ENPP3: variants seen among roughly 807,000 people sequenced by gnomAD.
The protein encoded by ENPP3 is ectonucleotide pyrophosphatase/phosphodiesterase 3.
Under a neutral mutation model 117.8 loss-of-function variants are expected in ENPP3, and 104 were observed. The observed-to-expected ratio is 0.88, with a 90% CI of 0.75 to 1.04. The LOEUF (loss-of-function observed/expected upper bound fraction) is 1.04. Among genes scored for constraint, ENPP3 ranks in the 50% least tolerant of loss-of-function variants. The pLI, the probability that ENPP3 is intolerant of heterozygous loss-of-function variation, is 0.00. For synonymous variants in ENPP3, 380 were observed against 349.9 expected (o/e 1.09, Z -0.96); for missense variants, 1,026 against 1,051.9 (o/e 0.98, Z 0.34).
chr6:131,651,795 A>C (rs1013972231), intron 3 of ENPP3, among the ~76,000 whole-genome samples: 2 of 152,204 alleles, frequency 1.3e-5, no homozygotes, highest in Admixed American at 1.3e-4. Flanking sequence ...CCTTTACTTA[A>C]TCTCCAAAAA....
At chr6:131,727,797 T>C (rs560699630) in intron 20 of ENPP3, among the ~76,000 whole-genome samples, 1 of 152,304 alleles carries the variant, frequency 6.6e-6, no homozygotes, top group East Asian at 1.9e-4. Flanking sequence ...GCTGTTTCTG[T>C]AGAGAAAATC....
At chr6:131,694,176 A>T (rs939669459) in intron 15 of ENPP3, among the ~76,000 whole-genome samples, 1 of 152,220 alleles carries the variant, frequency 6.6e-6, no homozygotes, top group African/African-American at 2.4e-5. Flanking sequence ...CATGCTATTT[A>T]GCAGTTCTAC....
chr6:131,651,412 A>G (rs927216390), intron 3 of ENPP3, among the ~76,000 whole-genome samples: 3 of 152,228 alleles, frequency 2.0e-5, no homozygotes, highest in African/African-American at 7.2e-5. Context: ...ATAACAGGCT[A>G]TGGTAAATGA....
chr6:131,720,141 T>C (rs552932817), intron 16 of ENPP3, 151 bp from the exon 17 acceptor site: 4 of 527,254 alleles, frequency 7.6e-6, no homozygotes, highest in East Asian at 3.1e-5. Context: ...TGGAAAAATA[T>C]GAAAATCATT....
chr6:131,710,076 A>G (rs752688550), intron 15 of ENPP3: 1 of 1,613,624 alleles, frequency 6.2e-7, no homozygotes, highest in East Asian at 2.2e-5. Context: ...GTTTCTTCAA[A>G]GCTCCTTTCG....
At chr6:131,687,566 C>T (rs1235149578) in intron 14 of ENPP3, among the ~76,000 whole-genome samples, 1 of 152,086 alleles carries the variant, frequency 6.6e-6, no homozygotes, top group African/African-American at 2.4e-5. Flanking sequence ...ACAGAGCAAA[C>T]AGCCTACAGA....
intron 14 of ENPP3, among the ~76,000 whole-genome samples, chr6:131,693,207 C>T (rs1779327652): frequency 6.6e-6 from 1 of 150,924 alleles, no homozygotes; most frequent in African/African-American, 2.4e-5. Flanking sequence ...GAGAGAGTCT[C>T]ACTCTATGGC....
Position 131,675,079 on chromosome 6 carries a change from G to T in ENPP3, c.763-1G>T, listed in dbSNP as rs1778836122. ...TTCGCTTATCCTAAATTTTCTTACA[G>T]ATGTGGCTGACAGCAATGTATCAAG... On this transcript the variant is annotated splice_acceptor_variant, in intron 8 of 24. Transcript: ENST00000357639. LOFTEE classifies it high-confidence loss of function. The T allele has an allele frequency of 6.2e-7, 1 of 1,604,960 alleles. No individual in the cohort carries two copies. The highest frequency in any genetic ancestry group is 1.1e-5 in the South Asian group (1 of 90,864).
At chr6:131,668,363 C>T (rs1019852265) in intron 6 of ENPP3, among the ~76,000 whole-genome samples, 7 of 151,754 alleles carry the variant, frequency 4.6e-5, no homozygotes, top group Admixed American at 2.0e-4. Context: ...TACAGGCACG[C>T]GCCACTGCAC....
intron 22 of ENPP3, 90 bp downstream of exon 22, chr6:131,737,522 G>C: frequency 1.3e-6 from 1 of 746,200 alleles, no homozygotes; most frequent in Non-Finnish European, 2.3e-6. Context: ...ATTGCAATTT[G>C]TTCCTGATAT....
intron 15 of ENPP3, among the ~76,000 whole-genome samples, chr6:131,694,304 A>G (rs1265211058): frequency 1.3e-5 from 2 of 152,220 alleles, no homozygotes; most frequent in African/African-American, 4.8e-5. Flanking sequence ...TGTTCTAGGC[A>G]TTTGAGATAC....
chr6:131,733,487 A>T (rs1321812229), intron 20 of ENPP3, 101 bp from the exon 21 acceptor site: 1 of 1,308,390 alleles, frequency 7.6e-7, no homozygotes, highest in African/African-American at 1.5e-5. Context: ...GAAAATAGGA[A>T]AAGCTTAAAT....
intron 14 of ENPP3, among the ~76,000 whole-genome samples, chr6:131,691,019 G>A (rs553281527): frequency 6.6e-6 from 1 of 152,114 alleles, no homozygotes; most frequent in South Asian, 2.1e-4. Flanking sequence ...TTGTGCAAGG[G>A]GATTGAGTAT....
rs60304793 is a variant in ENPP3, at chr6:131,678,907, CTCTTTCTT to C, written c.1011+1014_1011+1021del. 2.7e-3 allele frequency among the ~76,000 whole-genome samples: 194 copies of C among 71,756 alleles called. 7 individuals are homozygous for C. Among genetic ancestry groups the C allele is most frequent in the African/African-American group, 6.7e-3 (131 of 19,472 alleles). The allele number at this position is 71,756 out of a possible 152,430, so 47.1% of individuals were successfully genotyped here. ...CCTTCTTTTCCCTTTCTTTCTTTCT[CTCTTTCTT>C]TCTTTCTTTCTTTCTTTCTTTCTTT... On this transcript the variant is annotated intron_variant, in intron 11 of 24. Coordinates refer to ENST00000357639, the MANE Select transcript of ENPP3 (RefSeq NM_005021.5).
chr6:131,679,151 G>A (rs1002291605), intron 11 of ENPP3, among the ~76,000 whole-genome samples: 8 of 149,032 alleles, frequency 5.4e-5, no homozygotes. Flanking sequence ...CTGGAATGCA[G>A]TGGCGCAATC....
intron 8 of ENPP3, among the ~76,000 whole-genome samples, chr6:131,674,793 A>G (rs777795314): frequency 2.6e-5 from 4 of 151,906 alleles, no homozygotes; most frequent in Non-Finnish European, 4.4e-5. Flanking sequence ...GATGATCTCT[A>G]TCTCCTGACC....
chr6:131,647,084 G>A (rs1297694520), intron 2 of ENPP3, among the ~76,000 whole-genome samples: 4 of 150,898 alleles, frequency 2.7e-5, no homozygotes, highest in South Asian at 4.2e-4. Context: ...ATGTTGCCAA[G>A]GCTTGTCTCA....
intron 6 of ENPP3, among the ~76,000 whole-genome samples, chr6:131,663,554 C>T (rs1342099825): frequency 2.8e-5 from 4 of 145,442 alleles, no homozygotes; most frequent in Non-Finnish European, 6.0e-5. Context: ...AGTAGCTAAG[C>T]ACAATGGGGT....
chr6:131,693,469 C>G, intron 14 of ENPP3, 28 bp from the exon 15 acceptor site: 2 of 1,593,296 alleles, frequency 1.3e-6, no homozygotes, highest in South Asian at 2.3e-5. Flanking sequence ...TCTTATGTAT[C>G]ATAAAGAAAT....
Sources: gnomAD v4.1 joint callset for allele counts (sites outside exome capture counted in the v4.1 genomes callset) on GRCh38, gnomAD v4.1.1 for gene constraint, MANE v1.5 for transcripts, NCBI Gene and HGNC (gene_info 2026-07-23, HGNC 2026-07-21) for gene names.